Variants in NPEPPS observed in about 807,000 individuals in gnomAD.
NPEPPS encodes puromycin-sensitive aminopeptidase.
Under a neutral mutation model 115.5 loss-of-function variants are expected in NPEPPS, and 14 were observed. That is an observed-to-expected ratio of 0.12 (90% CI 0.08 to 0.19). The LOEUF is 0.19. NPEPPS is among the 10% of genes least tolerant of loss of function. The pLI is 1.00. For synonymous variants in NPEPPS, 285 were observed against 390.6 expected, an observed-to-expected ratio of 0.73 and a Z score of 3.19; for missense variants, 523 against 1,110.8, an observed-to-expected ratio of 0.47 and a Z score of 7.52.
At chr17:47,529,781 ACC>A (rs1907603940), upstream of NPEPPS, among the ~76,000 whole-genome samples, 1 of 86,498 alleles carries the variant, frequency 1.2e-5, no homozygotes, top group East Asian at 3.0e-4. Flanking sequence ...TTGTATATAT[ACC>A]TCCTCAATTT....
At chr17:47,551,969 T>TC (rs1191120154) in intron 2 of NPEPPS, among the ~76,000 whole-genome samples, 6 of 128,590 alleles carry the variant, frequency 4.7e-5, no homozygotes, top group South Asian at 2.8e-4. Flanking sequence ...TTTCTTTCTT[T>TC]TTTTTTTTTT....
chr17:47,616,096 A>C (rs539643129), intron 19 of NPEPPS, among the ~76,000 whole-genome samples: 1 of 152,324 alleles, frequency 6.6e-6, no homozygotes, highest in East Asian at 1.9e-4. Context: ...ATTGGAGCTG[A>C]AAAGGGCCTT....
At chr17:47,550,631 AT>A (rs35634041) in intron 2 of NPEPPS, among the ~76,000 whole-genome samples, 59,643 of 131,312 alleles carry the variant, frequency 0.45, 13,290 homozygotes, top group East Asian at 0.63. Flanking sequence ...TATATATATA[AT>A]TTTTTTTTTT....
chr17:47,616,013 A>G (rs1327322481), intron 19 of NPEPPS, among the ~76,000 whole-genome samples: 1 of 152,190 alleles, frequency 6.6e-6, no homozygotes, highest in African/African-American at 2.4e-5. Flanking sequence ...TTAGAGTGCC[A>G]TCTAGTGGAC....
rs1045787453 is a variant in NPEPPS, at chr17:47,540,191, T to C, written c.256-5718T>C. On this transcript the variant is annotated intron_variant, in intron 1 of 22. Transcript: ENST00000322157. ...TATTTGGCTCAGTTGAAGTGCAGTC[T>C]ATATAGGAGGCCAAGAAGACTTAAT... 2.0e-5 allele frequency among the ~76,000 whole-genome samples: 3 copies of C among 152,054 alleles called. No homozygotes were observed. The East Asian group carries it at 5.8e-4, about 29-fold the overall frequency.
intron 16 of NPEPPS, 72 bp from the exon 17 acceptor site, chr17:47,605,261 G>A: frequency 8.9e-7 from 1 of 1,129,162 alleles, no homozygotes; most frequent in Non-Finnish European, 1.3e-6. Flanking sequence ...AGTAGATAAT[G>A]CCAAAAATGC....
intron 2 of NPEPPS, among the ~76,000 whole-genome samples, chr17:47,565,337 T>C (rs1910729777): frequency 6.6e-6 from 1 of 151,844 alleles, no homozygotes; most frequent in Non-Finnish European, 1.5e-5. Context: ...GCTGAAACTC[T>C]ATCTCTACTA....
intron 15 of NPEPPS, chr17:47,602,108 A>G (rs1913236023): frequency 4.8e-6 from 1 of 207,836 alleles, no homozygotes; most frequent in Non-Finnish European, 9.7e-6. Flanking sequence ...TACTACTGTA[A>G]TCTAATGAGA....
rs1232462353 is a variant in NPEPPS, at chr17:47,598,344, C to T, written c.1537-1332C>T. Reference sequence around the variant, plus strand: ...AAAAAACTAGCTGGGCATGGTGGCACGTGCCTATAGTCCCAGCTACTTGGG... The same window carrying T: ...AAAAAACTAGCTGGGCATGGTGGCATGTGCCTATAGTCCCAGCTACTTGGG... On this transcript the variant is annotated intron_variant, in intron 13 of 22. Transcript: ENST00000322157. 2.0e-5 allele frequency among the ~76,000 whole-genome samples: 3 copies of T among 152,186 alleles called. 1 individual carries two copies. Among genetic ancestry groups the T allele is most frequent in the Middle Eastern group, 6.8e-3 (2 of 294 alleles).
intron 1 of NPEPPS, among the ~76,000 whole-genome samples, chr17:47,544,239 T>C (rs1909017780): frequency 6.6e-6 from 1 of 152,038 alleles, no homozygotes. Flanking sequence ...CTACTCTCTA[T>C]GTCAGCCAGG....
intron 1 of NPEPPS, among the ~76,000 whole-genome samples, chr17:47,540,587 G>A (rs991429367): frequency 6.6e-5 from 10 of 152,208 alleles, no homozygotes; most frequent in African/African-American, 2.2e-4. Flanking sequence ...TCTTGGGGTA[G>A]TACACATGTG....
chr17:47,592,526 A>G lies in NPEPPS; in HGVS notation c.1407A>G (p.Gln469=). The G allele has an allele frequency of 1.3e-6, 2 of 1,595,268 alleles. No individual in the cohort carries two copies. Among genetic ancestry groups the G allele is most frequent in the Non-Finnish European group, 1.7e-6 (2 of 1,170,010 alleles). ...KGMNMYLTKF[Q]QKNAATEDLW... is the part of the protein sequence containing the mutation. ...TGAACATGTATTTAACCAAGTTCCA[A>G]CAAAAGAATGCTGCCACAGGTAATC... The change falls in exon 12 of 23, where the codon CAA becomes CAG. Residue 469 remains glutamine (Q), a synonymous_variant. Transcript: ENST00000322157.
chr17:47,575,867 C>T (rs1295652664), intron 3 of NPEPPS, among the ~76,000 whole-genome samples: 1 of 152,042 alleles, frequency 6.6e-6, no homozygotes, highest in Non-Finnish European at 1.5e-5. Flanking sequence ...CTCGGCCTCC[C>T]AAAGTGCTGG....
rs551648821 is a variant in NPEPPS at position 47,555,404 on chromosome 17, A to G, written c.340+9411A>G. ...CTCTTATTGCCCAGGCTGGAGTGCA[A>G]TGGCATGATTTTGGCTCGCCGTAAC... On this transcript the variant is annotated intron_variant, in intron 2 of 22. Coordinates refer to ENST00000322157, the MANE Select transcript of NPEPPS (RefSeq NM_006310.4). 3.1e-4 allele frequency among the ~76,000 whole-genome samples: 47 copies of G among 149,908 alleles called. 1 individual carries two copies. The East Asian group carries it at 9.1e-3, about 29-fold the overall frequency.
chr17:47,537,916 C>T (rs1223998384), intron 1 of NPEPPS, among the ~76,000 whole-genome samples: 1 of 145,210 alleles, frequency 6.9e-6, no homozygotes, highest in African/African-American at 2.5e-5. Context: ...CTTTTTGAGA[C>T]GGAGTTTCGC....
chr17:47,604,010 T>C lies in NPEPPS; in HGVS notation c.1836T>C (p.Pro612=), dbSNP rs747621304. ...GCATTCGTGACCTTTCTCTGCCCCC[T>C]GTGGATCGACTTGGATTACAGAATG... is the stretch of plus-strand genomic sequence containing the variant. ...LPGIRDLSLP[P]VDRLGLQNDL... is the part of the protein sequence containing the mutation. The change falls in exon 16 of 23, where the codon CCT becomes CCC. Residue 612 remains proline, a synonymous_variant. Coordinates refer to ENST00000322157, the MANE Select transcript of NPEPPS (RefSeq NM_006310.4). 2 of 1,613,652 alleles carry C rather than the reference T, an allele frequency of 1.2e-6. No individual in the cohort carries two copies. Among genetic ancestry groups the C allele is most frequent in the East Asian group, 4.5e-5 (2 of 44,866 alleles).
intron 19 of NPEPPS, among the ~76,000 whole-genome samples, chr17:47,616,846 T>C (rs1199065774): frequency 2.0e-5 from 3 of 148,868 alleles, no homozygotes; most frequent in Non-Finnish European, 4.5e-5. Flanking sequence ...CTACTTCTTA[T>C]AAATTAAAAT....
At chr17:47,596,498 G>A in intron 13 of NPEPPS, 36 bp downstream of exon 13, 3 of 1,394,406 alleles carry the variant, frequency 2.2e-6, no homozygotes, top group Non-Finnish European at 3.0e-6. Flanking sequence ...GTCTGATATT[G>A]TATTAAATGA....
At chr17:47,538,713 A>G (rs1409732721) in intron 1 of NPEPPS, among the ~76,000 whole-genome samples, 1 of 151,486 alleles carries the variant, frequency 6.6e-6, no homozygotes, top group African/African-American at 2.4e-5. Context: ...AATTTTTAGT[A>G]GAGAAGGGGT....
Sources: allele counts gnomAD v4.1 joint callset (sites outside exome capture counted in the v4.1 genomes callset), GRCh38; gene constraint gnomAD v4.1.1; transcripts MANE v1.5; gene names NCBI Gene and HGNC (gene_info 2026-07-23, HGNC 2026-07-21).